FRAS1: variants seen among roughly 807,000 people sequenced by gnomAD.
FRAS1 encodes the protein extracellular matrix organizing protein FRAS1.
Under a neutral mutation model 435.2 loss-of-function variants are expected in FRAS1, and 290 were observed. That is an observed-to-expected ratio of 0.67 (90% CI 0.61 to 0.73). The LOEUF is 0.73. Among genes scored for constraint, FRAS1 ranks in the 30% least tolerant of loss-of-function variants. The pLI, the probability that FRAS1 is intolerant of heterozygous loss-of-function variation, is 0.00. For missense variants in FRAS1, 4,860 were observed against 5,001.5 expected, an observed-to-expected ratio of 0.97 and a Z score of 0.85; for synonymous variants, 1,800 against 1,851.0, an observed-to-expected ratio of 0.97 and a Z score of 0.71.
At chr4:78,105,501 G>A (rs1188907495) in intron 2 of FRAS1, among the ~76,000 whole-genome samples, 1 of 152,108 alleles carries the variant, frequency 6.6e-6, no homozygotes, top group African/African-American at 2.4e-5. Flanking sequence ...GGCCAGGGGA[G>A]GATATGAGGA....
chr4:78,454,850 G>T (rs115448222), intron 47 of FRAS1, among the ~76,000 whole-genome samples: 1,814 of 152,254 alleles, frequency 0.012, 29 homozygotes, highest in African/African-American at 0.042. Flanking sequence ...CCTTTCCTGG[G>T]CTTAAAATCT....
intron 2 of FRAS1, among the ~76,000 whole-genome samples, chr4:78,103,277 G>A (rs1036085540): frequency 4.6e-5 from 7 of 152,270 alleles, no homozygotes; most frequent in Non-Finnish European, 4.4e-5. Flanking sequence ...GACCTTCTTA[G>A]TATTTCCTTT....
chr4:78,376,515 A>G (rs113061872), intron 26 of FRAS1, among the ~76,000 whole-genome samples: 5 of 152,216 alleles, frequency 3.3e-5, no homozygotes, highest in African/African-American at 1.2e-4. Context: ...CTGTATTTAC[A>G]TATAATTTAT....
intron 1 of FRAS1, among the ~76,000 whole-genome samples, chr4:78,063,129 AAAT>A (rs1321674461): frequency 2.0e-5 from 3 of 152,204 alleles, no homozygotes; most frequent in East Asian, 1.9e-4. Context: ...GAAGAAAAAA[AAAT>A]AATGAGTCGA....
chr4:78,441,407 C>A, intron 41 of FRAS1, 110 bp downstream of exon 41: 1 of 1,029,134 alleles, frequency 9.7e-7, no homozygotes, highest in Non-Finnish European at 1.4e-6. Context: ...GGAGGGGAAC[C>A]ATTTCAAAGA....
At chr4:78,130,356 T>C (rs7691624) in intron 2 of FRAS1, among the ~76,000 whole-genome samples, 2,896 of 152,284 alleles carry the variant, frequency 0.019, 95 homozygotes, top group African/African-American at 0.065. Flanking sequence ...TATAGGAATA[T>C]AGGAACTAAC....
chr4:78,511,021 A>G (rs1560419478), intron 63 of FRAS1, among the ~76,000 whole-genome samples: 1 of 152,176 alleles, frequency 6.6e-6, no homozygotes, highest in Non-Finnish European at 1.5e-5. Flanking sequence ...TCATTCATCT[A>G]TGGGTTTGTG....
At chr4:78,182,049 T>C (rs1306948472) in intron 2 of FRAS1, 142 of 1,510,474 alleles carry the variant, frequency 9.4e-5, no homozygotes, top group Non-Finnish European at 4.4e-6. Flanking sequence ...CCAGGCATGA[T>C]GGTGGCTCGG....
intron 61 of FRAS1, among the ~76,000 whole-genome samples, chr4:78,504,679 T>C (rs1720779265): frequency 6.6e-6 from 1 of 152,204 alleles, no homozygotes. Flanking sequence ...CTTTATCCAA[T>C]TTGCCAGTCT....
At chr4:78,235,904 A>C (rs1423585387) in intron 2 of FRAS1, among the ~76,000 whole-genome samples, 3 of 152,198 alleles carry the variant, frequency 2.0e-5, no homozygotes, top group African/African-American at 2.4e-5. Flanking sequence ...AGCTGTGATC[A>C]TGCCACTGCA....
intron 2 of FRAS1, among the ~76,000 whole-genome samples, chr4:78,097,556 GA>G (rs1404471985): frequency 6.6e-6 from 1 of 152,204 alleles, no homozygotes; most frequent in African/African-American, 2.4e-5. Context: ...GGAAGGCAAG[GA>G]TGAGCAAGTC....
chr4:78,394,935 A>T (rs7688729), intron 29 of FRAS1, among the ~76,000 whole-genome samples: 21,129 of 151,786 alleles, frequency 0.14, 1,829 homozygotes, highest in African/African-American at 0.25. Flanking sequence ...GGTTAAATTT[A>T]TTTCTAATTA....
At position 78,287,255 on chromosome 4, in the gene FRAS1, GC is replaced by G. The variant is rs1014283385; in HGVS notation, c.1534+721del. ...TCATGAGAACAGCATGGGGGAAACT[GC>G]CCCCATGATCCAATCACCTCCCACC... On this transcript the variant is annotated intron_variant, in intron 14 of 73. Coordinates refer to ENST00000512123, the MANE Select transcript of FRAS1 (RefSeq NM_025074.7). Among the ~76,000 whole-genome samples, 5 of 152,080 alleles carry G rather than the reference GC, an allele frequency of 3.3e-5. No individual in the cohort carries two copies. In the East Asian group the frequency reaches 7.7e-4, roughly 23 times the overall value.
At position 78,108,838 on chromosome 4, in the gene FRAS1, T is replaced by C. The variant is rs1202767980; in HGVS notation, c.108+42822T>C. ...TGGTTTTTTGAAAGGATCAACAAAA[T>C]TGATAGACCGCTAGCAAGATGACAA... On this transcript the variant is annotated intron_variant, in intron 2 of 73. Coordinates refer to ENST00000512123, the MANE Select transcript of FRAS1 (RefSeq NM_025074.7). 4.7e-5 allele frequency among the ~76,000 whole-genome samples: 6 copies of C among 126,660 alleles called. 2 individuals carry two copies. Among genetic ancestry groups the C allele is most frequent in the African/African-American group, 1.6e-4 (5 of 31,258 alleles). 83.1% of individuals were successfully genotyped at this position (126,660 alleles called of 152,430 possible). A position where few individuals can be genotyped will look rare whatever the true frequency, so the allele number is the denominator to read the frequency against.
chr4:78,518,422 GTATATATATATATATA>G (rs71216219), intron 66 of FRAS1, among the ~76,000 whole-genome samples: 25 of 135,730 alleles, frequency 1.8e-4, no homozygotes, highest in Admixed American at 7.2e-4. Context: ...TTTTTGTTGT[GTATATATATATATATA>G]TATATATATA....
chr4:78,092,505 A>G (rs1346542867), intron 2 of FRAS1, among the ~76,000 whole-genome samples: 2 of 152,226 alleles, frequency 1.3e-5, no homozygotes, highest in Non-Finnish European at 2.9e-5. Context: ...AACAGCTCTC[A>G]TGAGACCCAG....
In FRAS1 at chr4:78,337,754, A is replaced by G. The variant is rs751540655; in HGVS notation, c.2359A>G (p.Asn787Asp). Residue 787 changes from asparagine (N) to aspartate (D), a missense_variant, in exon 20 of 74, where the codon AAT becomes GAT. By Grantham distance (23) the Asn-to-Asp change is conservative (BLOSUM62 1). Coordinates refer to ENST00000512123, the MANE Select transcript of FRAS1 (RefSeq NM_025074.7). ...CTGTTACCCTCACATCTCTCTTACC[A>G]ATGGTAACTGCAGGACCAGCTGCAG... Reference protein sequence around the residue: ...ISCYPHISLTNGNCRTSCREE... With the variant: ...ISCYPHISLTDGNCRTSCREE... 8.1e-6 allele frequency: 13 copies of G among 1,613,838 alleles called. No homozygotes were observed. Among genetic ancestry groups the G allele is most frequent in the Non-Finnish European group, 9.3e-6 (11 of 1,179,830 alleles).
chr4:78,317,316 C>A (rs1729306221), intron 16 of FRAS1, 52 bp from the exon 17 acceptor site: 4 of 1,605,218 alleles, frequency 2.5e-6, no homozygotes, highest in Middle Eastern at 1.7e-4. Flanking sequence ...AGGAAGTGGG[C>A]ACTTTATTCA....
intron 2 of FRAS1, among the ~76,000 whole-genome samples, chr4:78,143,601 A>C (rs1720280939): frequency 6.6e-6 from 1 of 152,108 alleles, no homozygotes; most frequent in Admixed American, 6.5e-5. Flanking sequence ...TTAATTTCCA[A>C]AGATTTAACT....
Sources: allele counts gnomAD v4.1 joint callset (sites outside exome capture counted in the v4.1 genomes callset), GRCh38; gene constraint gnomAD v4.1.1; transcripts MANE v1.5; gene names NCBI Gene and HGNC (gene_info 2026-07-23, HGNC 2026-07-21).